Variants in CCDC7 observed in about 807,000 individuals in gnomAD.
CCDC7 encodes coiled-coil domain containing 7.
In CCDC7, 183 loss-of-function variants were observed where a neutral mutation model predicts 196.9. The ratio of observed to expected loss-of-function variants is 0.93; its 90% CI spans 0.82 to 1.05. CCDC7 has a LOEUF of 1.05. Among genes scored for constraint, CCDC7 ranks in the 50% least tolerant of loss-of-function variants. The pLI is 0.00. For synonymous variants in CCDC7, 525 were observed against 484.6 expected (o/e 1.08, Z -1.10); for missense variants, 1,540 against 1,482.2 (o/e 1.04, Z -0.64).
chr10:32,840,324 CA>C (rs2136079212), intron 33 of CCDC7, among the ~76,000 whole-genome samples: 1 of 152,066 alleles, frequency 6.6e-6, no homozygotes, highest in African/African-American at 2.4e-5. Flanking sequence ...GGAGTTATTA[CA>C]ACTTATACCA....
intron 41 of CCDC7, among the ~76,000 whole-genome samples, chr10:32,865,200 T>A (rs538176742): frequency 6.5e-4 from 99 of 151,970 alleles, no homozygotes; most frequent in East Asian, 4.5e-3. Context: ...TAGCTTATAA[T>A]AGACTTCTCT....
chr10:32,774,726 A>G (rs933318844), intron 28 of CCDC7, among the ~76,000 whole-genome samples: 12 of 151,868 alleles, frequency 7.9e-5, no homozygotes, highest in African/African-American at 2.9e-4. Flanking sequence ...CTGGTTATTT[A>G]TCTTTTAGGT....
chr10:32,445,914 T>G (rs2030802788), upstream of CCDC7, among the ~76,000 whole-genome samples: 1 of 152,220 alleles, frequency 6.6e-6, no homozygotes, highest in African/African-American at 2.4e-5. Flanking sequence ...CTAGGCCAAA[T>G]GCCTGGATGA....
chr10:32,590,712 T>G (rs1197101921), intron 18 of CCDC7, among the ~76,000 whole-genome samples: 1 of 152,204 alleles, frequency 6.6e-6, no homozygotes, highest in Non-Finnish European at 1.5e-5. Context: ...TGGGAAGGTC[T>G]TTATTTTTCC....
chr10:32,836,907 T>G (rs2092649516), intron 33 of CCDC7, among the ~76,000 whole-genome samples: 1 of 152,098 alleles, frequency 6.6e-6, no homozygotes, highest in Non-Finnish European at 1.5e-5. Flanking sequence ...TCCTTACACC[T>G]TATACAAAAA....
chr10:32,798,100 T>C (rs141502738), intron 29 of CCDC7, among the ~76,000 whole-genome samples: 1 of 152,324 alleles, frequency 6.6e-6, no homozygotes, highest in African/African-American at 2.4e-5. Context: ...GATAGTAGTT[T>C]TGGCAGAATC....
chr10:32,849,718 AAAG>A (rs1351415339), intron 39 of CCDC7, among the ~76,000 whole-genome samples: 16 of 149,282 alleles, frequency 1.1e-4, no homozygotes, highest in African/African-American at 4.1e-4. Flanking sequence ...AAAAAAAAAA[AAAG>A]AAAAGAAAAA....
chr10:32,834,780 T>C (rs764535856), intron 32 of CCDC7, 35 bp from the exon 34 acceptor site: 3 of 968,276 alleles, frequency 3.1e-6, no homozygotes, highest in Admixed American at 1.9e-5. Flanking sequence ...AATTTACCTT[T>C]CAAAGCGTTT....
intron 28 of CCDC7, among the ~76,000 whole-genome samples, chr10:32,748,844 G>C (rs183323058): frequency 6.3e-4 from 96 of 152,270 alleles, no homozygotes; most frequent in Admixed American, 7.8e-4. Context: ...TTGTTAAGAA[G>C]AACAGACTGC....
chr10:32,792,472 A>T (rs961095742), intron 29 of CCDC7, among the ~76,000 whole-genome samples: 1 of 152,234 alleles, frequency 6.6e-6, no homozygotes, highest in Non-Finnish European at 1.5e-5. Context: ...ATGCGACAAA[A>T]ATAAAGTTGT....
chr10:32,677,463 G>C (rs1023970839), intron 21 of CCDC7, among the ~76,000 whole-genome samples: 1 of 151,926 alleles, frequency 6.6e-6, no homozygotes, highest in African/African-American at 2.4e-5. Flanking sequence ...AAGTATCTAT[G>C]CTTAACTTTT....
intron 25 of CCDC7, among the ~76,000 whole-genome samples, chr10:32,713,284 C>G (rs545844690): frequency 7.0e-4 from 107 of 152,340 alleles, no homozygotes; most frequent in Non-Finnish European, 1.2e-3. Context: ...GTCCTCATGT[C>G]AGGGATTGTG....
intron 24 of CCDC7, among the ~76,000 whole-genome samples, chr10:32,708,000 G>T (rs1417143305): frequency 6.6e-6 from 1 of 152,046 alleles, no homozygotes; most frequent in Non-Finnish European, 1.5e-5. Context: ...CCAAAAAAGA[G>T]CCCGCATCGC....
intron 31 of CCDC7, among the ~76,000 whole-genome samples, chr10:32,823,585 C>T (rs776776728): frequency 2.0e-5 from 3 of 152,174 alleles, no homozygotes; most frequent in Non-Finnish European, 4.4e-5. Context: ...AAGACTTCCA[C>T]TCTGTCGTTC....
In CCDC7 at chr10:32,624,650, G is replaced by C. The variant is rs1448068723; in HGVS notation, c.1802-9604G>C. 2.0e-5 allele frequency among the ~76,000 whole-genome samples: 3 copies of C among 152,016 alleles called. No homozygotes were observed. In the East Asian group the frequency reaches 5.8e-4, roughly 29 times the overall value. On this transcript the variant is annotated intron_variant, in intron 18 of 41. Transcript: ENST00000639629. ...TGGTTACCTAGACTCCTTCTATCTA[G>C]TGGCTACATTCCATAAGGCTTTGGA...
chr10:32,750,375 A>G (rs940700236), intron 28 of CCDC7, among the ~76,000 whole-genome samples: 2 of 152,206 alleles, frequency 1.3e-5, no homozygotes, highest in Non-Finnish European at 2.9e-5. Flanking sequence ...CAGCAAAAAC[A>G]TAAGGAAAAC....
In CCDC7 at chr10:32,619,910, C is replaced by CTTTTTTTTTTTTTTTTTT. The variant is rs56089046; in HGVS notation, c.1802-14331_1802-14314dup. On this transcript the variant is annotated intron_variant, in intron 18 of 41. Transcript: ENST00000639629. ...CACTGCTCCCAGCCCTTCAATGTACCTTTTTTTTTTTTTTTTTTTTTTTTT... is the reference window on the plus strand; with the variant it reads ...CACTGCTCCCAGCCCTTCAATGTACCTTTTTTTTTTTTTTTTTTTTTTTTTTTTTTTTTTTTTTTTTTT... 6.8e-4 allele frequency among the ~76,000 whole-genome samples: 54 copies of CTTTTTTTTTTTTTTTTTT among 79,274 alleles called. 7 individuals carry two copies. Among genetic ancestry groups the CTTTTTTTTTTTTTTTTTT allele is most frequent in the African/African-American group, 3.4e-3 (52 of 15,308 alleles). The allele number at this position is 79,274 out of a possible 152,430, so 52.0% of individuals were successfully genotyped here.
At chr10:32,657,159 G>A (rs1479232310) in intron 20 of CCDC7, among the ~76,000 whole-genome samples, 3 of 152,238 alleles carry the variant, frequency 2.0e-5, no homozygotes, top group African/African-American at 7.2e-5. Flanking sequence ...CTGGCCTTGA[G>A]TGTCTCCAGC....
At chr10:32,880,778 T>C (rs2094763578), downstream of CCDC7, among the ~76,000 whole-genome samples, 1 of 152,156 alleles carries the variant, frequency 6.6e-6, no homozygotes. Context: ...CACAGCACCA[T>C]TTATTAGACA....
Sources: gnomAD v4.1 joint callset for allele counts (sites outside exome capture counted in the v4.1 genomes callset) on GRCh38, gnomAD v4.1.1 for gene constraint, MANE v1.5 for transcripts, NCBI Gene and HGNC (gene_info 2026-07-23, HGNC 2026-07-21) for gene names.